HKDC1: variants seen among roughly 807,000 people sequenced by gnomAD.
HKDC1 encodes hexokinase HKDC1.
In HKDC1, 66 loss-of-function variants were observed where a neutral mutation model predicts 96.6. The observed-to-expected ratio is 0.68, with a 90% CI of 0.56 to 0.84. The LOEUF (loss-of-function observed/expected upper bound fraction) is 0.84. Ranked by LOEUF, HKDC1 falls within the 40% of genes least tolerant of loss-of-function variation. HKDC1 has a pLI of 0.00. For missense variants in HKDC1, 1,211 were observed against 1,208.1 expected (o/e 1.00, Z -0.04); for synonymous variants, 466 against 473.1 (o/e 0.98, Z 0.20).
intron 14 of HKDC1, among the ~76,000 whole-genome samples, chr10:69,258,070 C>G (rs1041459605): frequency 6.6e-6 from 1 of 152,182 alleles, no homozygotes; most frequent in Non-Finnish European, 1.5e-5. Flanking sequence ...TCTGGGCTTT[C>G]TGGATATAAG....
In HKDC1 at chr10:69,243,218, G is replaced by A. The variant is rs1843481155; in HGVS notation, c.728G>A (p.Ser243Asn). 3 of 1,614,246 alleles carry A rather than the reference G, an allele frequency of 1.9e-6. No individual in the cohort carries two copies. The highest frequency in any genetic ancestry group is 2.5e-6 in the Non-Finnish European group (3 of 1,180,044). Residue 243 changes from serine to asparagine, a missense_variant, in exon 7 of 18, where the codon AGC becomes AAC. Transcript: ENST00000354624. ...AATGCGTGTTACATGGAGGACATGA[G>A]CAACATTGACCTGGTGGAGGGCGAC... is the stretch of plus-strand genomic sequence containing the variant. ...GTNACYMEDM[S>N]NIDLVEGDEG...
Position 69,267,301 on chromosome 10 carries a change from C to A in HKDC1, c.*544C>A. The A allele has an allele frequency of 2.9e-6, 1 of 343,916 alleles. No homozygotes were observed. Among genetic ancestry groups the A allele is most frequent in the East Asian group, 8.0e-5 (1 of 12,496 alleles). 21.3% of individuals were successfully genotyped at this position (343,916 alleles called of 1,614,324 possible). On this transcript the variant is annotated 3_prime_UTR_variant, in exon 18 of 18. Transcript: ENST00000354624. ...AAGAGAACAAAGACTTTGAAGTATC[C>A]AGCCCCAGGGTGCAGAGAGGTTGAT...
At position 69,250,662 on chromosome 10, in the gene HKDC1, C is replaced by T. The variant is rs1436255527; in HGVS notation, c.1836+10C>T. 3.1e-6 allele frequency: 5 copies of T among 1,612,718 alleles called. No individual in the cohort carries two copies. The African/African-American group carries it at 5.3e-5, about 17-fold the overall frequency. On this transcript the variant is annotated intron_variant, in intron 12 of 17. Transcript: ENST00000354624. Reference sequence around the variant, plus strand: ...GATGAGCATTGACAAGGTAAGATAGCCCCACCAGGCTCACGGCCAGCCCAG... The same window carrying T: ...GATGAGCATTGACAAGGTAAGATAGTCCCACCAGGCTCACGGCCAGCCCAG...
Position 69,266,096 on chromosome 10 carries a change from A to G in HKDC1, c.2606+278A>G, listed in dbSNP as rs7919018. ...GGCCAGCACTAATAATCCCTACCAC[A>G]TAGGGCTAAATGTGTGAGGTTGAAA... is the stretch of plus-strand genomic sequence containing the variant. On this transcript the variant is annotated intron_variant, in intron 17 of 17. Transcript: ENST00000354624. Among the ~76,000 whole-genome samples the G allele has an allele frequency of 0.35, 53,603 of 152,058 alleles. 9,779 individuals are homozygous for G. Among genetic ancestry groups the G allele is most frequent in the African/African-American group, 0.44 (18,353 of 41,414 alleles).
Position 69,265,785 on chromosome 10 carries a change from G to T in HKDC1, c.2573G>T (p.Gly858Val). The change falls in exon 17 of 18, where the codon GGT becomes GTT. Residue 858 changes from glycine to valine, a missense_variant. Physicochemically the swap from Gly to Val is moderately radical, Grantham distance 109. Coordinates refer to ENST00000354624, the MANE Select transcript of HKDC1 (RefSeq NM_025130.4). ...CTAGAGCACCTGAGGATCACTGTGGGTGTGGACGGCACCCTGTACAAGCTG... is the reference window on the plus strand; with the variant it reads ...CTAGAGCACCTGAGGATCACTGTGGTTGTGGACGGCACCCTGTACAAGCTG... ...QGLEHLRITV[G>V]VDGTLYKLHP... 6.2e-7 allele frequency: 1 copy of T among 1,613,444 alleles called. No homozygotes were observed. The highest frequency in any genetic ancestry group is 8.5e-7 in the Non-Finnish European group (1 of 1,179,746).
chr10:69,250,925 G>C (rs2132364003), intron 12 of HKDC1, among the ~76,000 whole-genome samples: 1 of 152,134 alleles, frequency 6.6e-6, no homozygotes, highest in East Asian at 1.9e-4. Context: ...ATCATATTAT[G>C]GAGAGAGGGA....
At chr10:69,263,944 G>A (rs759033385) in intron 16 of HKDC1, among the ~76,000 whole-genome samples, 44 of 152,232 alleles carry the variant, frequency 2.9e-4, no homozygotes, top group Non-Finnish European at 1.2e-4. Context: ...GGAGGCCAAG[G>A]CAGGCAGATC....
chr10:69,259,864 C>T (rs577222386), intron 15 of HKDC1, among the ~76,000 whole-genome samples: 1 of 152,314 alleles, frequency 6.6e-6, no homozygotes, highest in African/African-American at 2.4e-5. Context: ...GATCCAGTCA[C>T]CTCCCAGCAG....
chr10:69,253,080 A>G (rs2132367360), intron 12 of HKDC1, among the ~76,000 whole-genome samples: 1 of 152,004 alleles, frequency 6.6e-6, no homozygotes, highest in East Asian at 1.9e-4. Flanking sequence ...AAGATTTTTA[A>G]TTGGGAAGCT....
intron 4 of HKDC1, 152 bp from the exon 5 acceptor site, chr10:69,238,890 A>T (rs1243784176): frequency 1.9e-6 from 1 of 539,094 alleles, no homozygotes; most frequent in Non-Finnish European, 3.4e-6. Flanking sequence ...TTATTAGAAA[A>T]GGCTGCAGAA....
intron 6 of HKDC1, 108 bp downstream of exon 6, chr10:69,240,859 A>G (rs1023186963): frequency 4.1e-6 from 3 of 725,236 alleles, no homozygotes; most frequent in South Asian, 1.6e-5. Context: ...TGCACTATTT[A>G]GGAGAAGCAA....
chr10:69,231,213 C>T (rs1274202952), intron 2 of HKDC1, among the ~76,000 whole-genome samples: 1 of 152,142 alleles, frequency 6.6e-6, no homozygotes, highest in Non-Finnish European at 1.5e-5. Context: ...TTTGTTAAAC[C>T]CTCAGTCTAT....
At chr10:69,232,575 A>G (rs548860449) in intron 2 of HKDC1, 189 bp from the exon 3 acceptor site, 2 of 606,092 alleles carry the variant, frequency 3.3e-6, no homozygotes, top group East Asian at 2.8e-5. Context: ...CTTAGTTCAC[A>G]TCTCAGCTCT....
rs373165480 is a variant in HKDC1, at chr10:69,265,678, C to T, written c.2466C>T (p.Cys822=). The change falls in exon 17 of 18, where the codon TGC becomes TGT. Residue 822 remains cysteine, a synonymous_variant. Coordinates refer to ENST00000354624, the MANE Select transcript of HKDC1 (RefSeq NM_025130.4). The part of the protein sequence containing the change: ...CEDSIVVKEV[C]GAVSRRAAQL... ...ACAGCATCGTGGTGAAGGAGGTGTGCGGAGCCGTGTCCCGGCGGGCGGCCC... is the reference window on the plus strand; with the variant it reads ...ACAGCATCGTGGTGAAGGAGGTGTGTGGAGCCGTGTCCCGGCGGGCGGCCC... 2.5e-5 allele frequency: 40 copies of T among 1,613,896 alleles called. No individual in the cohort carries two copies. The highest frequency in any genetic ancestry group is 2.3e-4 in the Admixed American group (14 of 59,938).
chr10:69,262,556 T>C (rs1843825425), intron 16 of HKDC1, among the ~76,000 whole-genome samples: 1 of 152,224 alleles, frequency 6.6e-6, no homozygotes, highest in Non-Finnish European at 1.5e-5. Context: ...ATTCATTTAA[T>C]TCTCTTGGTC....
chr10:69,263,911 A>C (rs1293169295), intron 16 of HKDC1, among the ~76,000 whole-genome samples: 1 of 152,254 alleles, frequency 6.6e-6, no homozygotes, highest in Non-Finnish European at 1.5e-5. Flanking sequence ...GTGGTGGCTC[A>C]TGCCTGTAAT....
At chr10:69,237,823 CT>C (rs11340954) in intron 4 of HKDC1, among the ~76,000 whole-genome samples, 90,228 of 151,880 alleles carry the variant, frequency 0.59, 27,278 homozygotes, top group East Asian at 0.76. Flanking sequence ...CTGCATTCGG[CT>C]TGGGCTCTAT....
intron 1 of HKDC1, among the ~76,000 whole-genome samples, chr10:69,224,535 G>A (rs534388862): frequency 7.6e-4 from 116 of 152,234 alleles, no homozygotes; most frequent in Non-Finnish European, 1.5e-4. Context: ...CACCCGCCTC[G>A]GCCTCCCAAA....
intron 7 of HKDC1, among the ~76,000 whole-genome samples, chr10:69,244,237 C>T (rs1016678531): frequency 6.6e-6 from 1 of 152,192 alleles, no homozygotes. Flanking sequence ...TCTTTAAGTA[C>T]TTCCTTATTT....
Sources: gnomAD v4.1 joint callset for allele counts (sites outside exome capture counted in the v4.1 genomes callset) on GRCh38, gnomAD v4.1.1 for gene constraint, MANE v1.5 for transcripts, NCBI Gene and HGNC (gene_info 2026-07-23, HGNC 2026-07-21) for gene names.